The following MTMR7 variants were observed in gnomAD, a reference collection of about 807,000 sequenced individuals.
The protein encoded by MTMR7 is myotubularin related protein 7.
MTMR7 carries 76 observed loss-of-function variants against 81.2 expected under a neutral mutation model. That is an observed-to-expected ratio of 0.94 (90% CI 0.78 to 1.13). The LOEUF (loss-of-function observed/expected upper bound fraction) is 1.13. MTMR7 is among the 50% of genes most tolerant of loss of function. The pLI is 0.00. For synonymous variants in MTMR7, 372 were observed against 289.8 expected (o/e 1.28, Z -2.88); for missense variants, 1,044 against 820.0 (o/e 1.27, Z -3.34).
chr8:17,334,805 T>C (rs908383386), intron 6 of MTMR7, among the ~76,000 whole-genome samples: 9 of 151,538 alleles, frequency 5.9e-5, no homozygotes, highest in African/African-American at 2.2e-4. Context: ...ATGACAGGAG[T>C]TGAAATCTAA....
intron 1 of MTMR7, among the ~76,000 whole-genome samples, chr8:17,407,645 T>C (rs1004801558): frequency 1.1e-4 from 16 of 151,472 alleles, no homozygotes; most frequent in African/African-American, 3.9e-4. Flanking sequence ...TTTTGAACAC[T>C]GAAATATGGT....
At chr8:17,334,917 G>A (rs901945852) in intron 6 of MTMR7, among the ~76,000 whole-genome samples, 1 of 152,134 alleles carries the variant, frequency 6.6e-6, no homozygotes, top group African/African-American at 2.4e-5. Context: ...GAGAGGGGAG[G>A]GCATTCTACA....
rs145343479 is a variant in MTMR7 at position 17,302,341 on chromosome 8, C to T, written c.1494-61G>A. On this transcript the variant is annotated intron_variant, in intron 12 of 13. Coordinates refer to ENST00000180173, the MANE Select transcript of MTMR7 (RefSeq NM_004686.5). ...ATCACAGTCTGAAAATTCACATCCT[C>T]AAGTCTTCTAAGGTATCTATGATAC... is the stretch of plus-strand genomic sequence containing the variant. 3.3e-3 allele frequency: 5,162 copies of T among 1,551,238 alleles called. 6 individuals are homozygous for T. Among genetic ancestry groups the T allele is most frequent in the Non-Finnish European group, 4.1e-3 (4,701 of 1,149,522 alleles).
At chr8:17,368,390 T>A (rs1345321168) in intron 3 of MTMR7, among the ~76,000 whole-genome samples, 1 of 152,196 alleles carries the variant, frequency 6.6e-6, no homozygotes, top group Non-Finnish European at 1.5e-5. Context: ...ACTGAAAATA[T>A]GTGAACTTTG....
At chr8:17,315,279 T>G (rs1818003725) in intron 7 of MTMR7, among the ~76,000 whole-genome samples, 1 of 152,230 alleles carries the variant, frequency 6.6e-6, no homozygotes, top group East Asian at 1.9e-4. Context: ...CTATATGACC[T>G]CCTAGAAAAG....
At chr8:17,364,499 CTG>C (rs1355461570) in intron 3 of MTMR7, among the ~76,000 whole-genome samples, 4 of 152,208 alleles carry the variant, frequency 2.6e-5, no homozygotes, top group Non-Finnish European at 5.9e-5. Context: ...ACTCAACACA[CTG>C]TGCAACAGAT....
intron 8 of MTMR7, among the ~76,000 whole-genome samples, chr8:17,312,887 G>A (rs1817871481): frequency 6.6e-6 from 1 of 152,124 alleles, no homozygotes; most frequent in Non-Finnish European, 1.5e-5. Flanking sequence ...TTCCTATGGC[G>A]GAATGGACTC....
chr8:17,366,091 C>A (rs1052241670), intron 3 of MTMR7, among the ~76,000 whole-genome samples: 3 of 152,130 alleles, frequency 2.0e-5, no homozygotes, highest in African/African-American at 7.2e-5. Context: ...TTCCTACTTC[C>A]CATAGAAAAT....
chr8:17,395,269 A>T (rs1394192236), intron 1 of MTMR7, among the ~76,000 whole-genome samples: 1 of 152,208 alleles, frequency 6.6e-6, no homozygotes. Context: ...TCAAGGCTGA[A>T]TAATATTCCA....
intron 4 of MTMR7, among the ~76,000 whole-genome samples, chr8:17,358,126 C>CA (rs1479977650): frequency 6.6e-6 from 1 of 151,876 alleles, no homozygotes; most frequent in East Asian, 1.9e-4. Context: ...TATTTTACCG[C>CA]AAAAAAGATT....
intron 9 of MTMR7, among the ~76,000 whole-genome samples, chr8:17,310,502 G>A (rs919029793): frequency 6.6e-6 from 1 of 152,148 alleles, no homozygotes; most frequent in Non-Finnish European, 1.5e-5. Flanking sequence ...CATGTGTGCA[G>A]GAGAAGAGCC....
chr8:17,297,723 A>AGTCTT lies in MTMR7; in HGVS notation c.*2134_*2138dup, dbSNP rs1279212339. 7.8e-6 allele frequency: 1 copy of AGTCTT among 128,866 alleles called. No individual in the cohort carries two copies. Among genetic ancestry groups the AGTCTT allele is most frequent in the African/African-American group, 2.5e-5 (1 of 39,770 alleles). The allele number at this position is 128,866 out of a possible 1,614,324, so 8.0% of individuals were successfully genotyped here. ...TTAATGTTTGATTATTAGATATTTT[A>AGTCTT]GTCTTGTTGGGGATATTTTAGTCTT... is the stretch of plus-strand genomic sequence containing the variant. On this transcript the variant is annotated 3_prime_UTR_variant, in exon 14 of 14. Coordinates refer to ENST00000180173, the MANE Select transcript of MTMR7 (RefSeq NM_004686.5).
chr8:17,332,685 C>T (rs1434340208), intron 6 of MTMR7, among the ~76,000 whole-genome samples: 1 of 152,148 alleles, frequency 6.6e-6, no homozygotes, highest in African/African-American at 2.4e-5. Flanking sequence ...TGTAAAAAGC[C>T]ACAAAATCAT....
chr8:17,317,841 T>C (rs73210271), intron 7 of MTMR7, among the ~76,000 whole-genome samples: 19,543 of 152,256 alleles, frequency 0.13, 1,499 homozygotes, highest in Non-Finnish European at 0.18. Context: ...CTCATCCATT[T>C]ATTTTGCAGC....
chr8:17,376,138 C>T (rs1045868823), intron 1 of MTMR7, among the ~76,000 whole-genome samples: 1 of 152,204 alleles, frequency 6.6e-6, no homozygotes, highest in African/African-American at 2.4e-5. Flanking sequence ...TATAGATTTG[C>T]CTATTCTGAA....
intron 9 of MTMR7, 52 bp downstream of exon 9, chr8:17,311,459 C>A: frequency 6.2e-7 from 1 of 1,611,710 alleles, no homozygotes; most frequent in East Asian, 2.2e-5. Flanking sequence ...AAACAGGGGT[C>A]CATTCCTGGT....
chr8:17,308,050 A>C (rs1354471998), intron 10 of MTMR7, among the ~76,000 whole-genome samples: 1 of 118,686 alleles, frequency 8.4e-6, no homozygotes, highest in African/African-American at 4.2e-5. Flanking sequence ...ATAAAATTAA[A>C]AAATAAAAAT....
At chr8:17,409,851 G>C (rs1050533836) in intron 1 of MTMR7, among the ~76,000 whole-genome samples, 1 of 152,206 alleles carries the variant, frequency 6.6e-6, no homozygotes, top group Non-Finnish European at 1.5e-5. Context: ...AGATGGAACA[G>C]CAGTGCAAAA....
At chr8:17,301,978 C>G (rs1817146956) in intron 13 of MTMR7, 176 bp downstream of exon 13, 2 of 729,140 alleles carry the variant, frequency 2.7e-6, no homozygotes, top group East Asian at 5.7e-5. Flanking sequence ...CATTAAATGC[C>G]TAGGTTTGGG....
Sources: gnomAD v4.1 joint callset for allele counts (sites outside exome capture counted in the v4.1 genomes callset) on GRCh38, gnomAD v4.1.1 for gene constraint, MANE v1.5 for transcripts, NCBI Gene and HGNC (gene_info 2026-07-23, HGNC 2026-07-21) for gene names.